The following SYNJ1 variants were observed in gnomAD, a reference collection of about 807,000 sequenced individuals.
SYNJ1 encodes the protein synaptojanin 1.
SYNJ1 carries 78 observed loss-of-function variants against 168.2 expected under a neutral mutation model. The observed-to-expected ratio is 0.46, with a 90% CI of 0.39 to 0.56. SYNJ1 has a LOEUF of 0.56. SYNJ1 is among the 20% of genes least tolerant of loss of function. The pLI, the probability that SYNJ1 is intolerant of heterozygous loss-of-function variation, is 0.00. For synonymous variants in SYNJ1, 539 were observed against 548.6 expected (o/e 0.98, Z 0.24); for missense variants, 1,303 against 1,597.6 (o/e 0.82, Z 3.14).
intron 11 of SYNJ1, 50 bp from the exon 12 acceptor site, chr21:32,678,851 TG>T: frequency 1.3e-6 from 2 of 1,577,412 alleles, no homozygotes; most frequent in South Asian, 2.4e-5. Flanking sequence ...TAAATATTAC[TG>T]ATTTTACTCA....
At chr21:32,648,486 C>A (rs953675177) in intron 23 of SYNJ1, among the ~76,000 whole-genome samples, 1 of 152,248 alleles carries the variant, frequency 6.6e-6, no homozygotes, top group Non-Finnish European at 1.5e-5. Flanking sequence ...CAAGACACCA[C>A]TGACTACTCC....
chr21:32,664,935 A>G lies in SYNJ1; in HGVS notation c.2282T>C (p.Ile761Thr), dbSNP rs373953139. The G allele has an allele frequency of 1.2e-6, 2 of 1,610,806 alleles. No homozygotes were observed. The highest frequency in any genetic ancestry group is 1.7e-4 in the Middle Eastern group (1 of 6,006). Residue 761 changes from isoleucine to threonine, a missense_variant, in exon 18 of 33, where the codon ATC becomes ACC. Transcript: ENST00000674351. ...TACCTGTCCAGCATTTTTCTGATTG[A>G]TAAGTTGATCTCCTGCTATAAGAGA... ...WDSLIAGDQLINQKNAGQVFR... is the reference protein window; with the variant it reads ...WDSLIAGDQLTNQKNAGQVFR...
intron 10 of SYNJ1, among the ~76,000 whole-genome samples, chr21:32,682,106 TAAAGAA>T (rs1236206522): frequency 6.6e-6 from 1 of 152,042 alleles, no homozygotes; most frequent in Non-Finnish European, 1.5e-5. Flanking sequence ...TGTCACAAAA[TAAAGAA>T]AATAAGTAAA....
Position 32,666,095 on chromosome 21 carries a change from C to T in SYNJ1, c.1993G>A (p.Ala665Thr). Residue 665 changes from alanine to threonine, a missense_variant, in exon 17 of 33, where the codon GCA becomes ACA. By Grantham distance (58) the Ala-to-Thr change is moderately conservative. Transcript: ENST00000674351. ...VDTVKTGMGG[A>T]TGNKGAVAIR... ...GCAACTGCTCCCTTATTTCCAGTTG[C>T]ACCTCCCATTCCAGTCTTCACAGTA... The T allele has an allele frequency of 6.2e-7, 1 of 1,613,284 alleles. No individual in the cohort carries two copies. The highest frequency in any genetic ancestry group is 8.5e-7 in the Non-Finnish European group (1 of 1,179,634).
chr21:32,673,694 T>C (rs1269418518), intron 13 of SYNJ1, among the ~76,000 whole-genome samples, 163 bp from the exon 14 acceptor site: 1 of 147,590 alleles, frequency 6.8e-6, no homozygotes, highest in Non-Finnish European at 1.5e-5. Flanking sequence ...CAGCCTTCAA[T>C]GCAAAGCCTG....
At chr21:32,717,199 T>C (rs2043054634) in intron 2 of SYNJ1, among the ~76,000 whole-genome samples, 1 of 152,220 alleles carries the variant, frequency 6.6e-6, no homozygotes, top group Non-Finnish European at 1.5e-5. Flanking sequence ...CCTCAGGTGA[T>C]CCGCCCACCT....
At position 32,687,767 on chromosome 21, in the gene SYNJ1, AAAG is replaced by A. The variant is rs760491381; in HGVS notation, c.851+536_851+538del. ...ACTTATATATGGATTTTTTTCAACC[AAAG>A]AAGAATCAAAACTACAGTATTCCTG... On this transcript the variant is annotated intron_variant, in intron 7 of 32. Coordinates refer to ENST00000674351, the MANE Select transcript of SYNJ1 (RefSeq NM_203446.3). Among the ~76,000 whole-genome samples the A allele has an allele frequency of 3.0e-4, 46 of 152,318 alleles. 1 individual carries two copies. Among genetic ancestry groups the A allele is most frequent in the Non-Finnish European group, 4.4e-4 (30 of 68,024 alleles).
At chr21:32,707,000 C>T (rs2042634351) in intron 2 of SYNJ1, among the ~76,000 whole-genome samples, 1 of 152,088 alleles carries the variant, frequency 6.6e-6, no homozygotes, top group Admixed American at 6.5e-5. Flanking sequence ...TAATAATCTC[C>T]CTTGCATCCC....
At chr21:32,700,892 T>C (rs1405862658) in intron 3 of SYNJ1, among the ~76,000 whole-genome samples, 1 of 152,196 alleles carries the variant, frequency 6.6e-6, no homozygotes, top group Non-Finnish European at 1.5e-5. Flanking sequence ...TATAAAGCAA[T>C]TTGGTTTACA....
intron 2 of SYNJ1, among the ~76,000 whole-genome samples, chr21:32,724,242 C>A (rs770169849): frequency 9.2e-5 from 14 of 152,140 alleles, no homozygotes; most frequent in Admixed American, 1.3e-4. Flanking sequence ...AATCCCAGCA[C>A]TTTGGGAGGC....
chr21:32,674,548 G>A (rs1260866682), intron 13 of SYNJ1, among the ~76,000 whole-genome samples: 1 of 151,810 alleles, frequency 6.6e-6, no homozygotes, highest in African/African-American at 2.4e-5. Flanking sequence ...AGACTACCTG[G>A]TACGCAGTAA....
chr21:32,684,166 T>G, intron 9 of SYNJ1, 47 bp from the exon 10 acceptor site: 1 of 1,559,794 alleles, frequency 6.4e-7, no homozygotes, highest in South Asian at 1.1e-5. Context: ...AAAATAAAGC[T>G]AAAACAAACA....
upstream of SYNJ1, chr21:32,728,159 G>C (rs867086991): frequency 3.4e-5 from 42 of 1,242,598 alleles, no homozygotes; most frequent in East Asian, 5.7e-5. Flanking sequence ...GGCGGCCCCA[G>C]CCTCAGTCTC....
Position 32,700,070 on chromosome 21 carries a change from C to T in SYNJ1, c.247G>A (p.Gly83Arg), listed in dbSNP as rs1179725205. ...TGAATTTTTCCAACAGACATACATC[C>T]AGTGACTAGGACCAGATAATGTAAC... ...TMLHYLVLVT[G>R]CMSVGKIQES... The change falls in exon 4 of 33, where the codon GGA becomes AGA. Residue 83 changes from glycine to arginine, a missense_variant. By Grantham distance (125) the Gly-to-Arg change is moderately radical (BLOSUM62 -2). Around this residue, in one of 2 missense-constraint regions of SYNJ1, gnomAD observed 920 missense variants for 1,208.8 expected, o/e 0.76. Coordinates refer to ENST00000674351, the MANE Select transcript of SYNJ1 (RefSeq NM_203446.3). 2 of 1,613,954 alleles carry T rather than the reference C, an allele frequency of 1.2e-6. No individual in the cohort carries two copies. Among genetic ancestry groups the T allele is most frequent in the Admixed American group, 1.7e-5 (1 of 60,004 alleles).
At chr21:32,659,864 G>A (rs931560882) in intron 18 of SYNJ1, among the ~76,000 whole-genome samples, 2 of 152,176 alleles carry the variant, frequency 1.3e-5, no homozygotes, top group African/African-American at 4.8e-5. Flanking sequence ...GGTGATTAAC[G>A]GATGGTCAAG....
intron 1 of SYNJ1, 82 bp from the exon 2 acceptor site, chr21:32,726,999 C>T: frequency 6.6e-7 from 1 of 1,523,130 alleles, no homozygotes; most frequent in Non-Finnish European, 8.8e-7. Flanking sequence ...AAAAGTCCCT[C>T]CCCGCCAGGT....
chr21:32,711,678 T>C (rs2042836011), intron 2 of SYNJ1, among the ~76,000 whole-genome samples: 1 of 152,228 alleles, frequency 6.6e-6, no homozygotes, highest in Non-Finnish European at 1.5e-5. Context: ...TATTCAGCAT[T>C]GTTGTATTAC....
rs761767275 is a variant in SYNJ1 at position 32,727,903 on chromosome 21, G to A, written c.-23+43C>T. 30 of 1,530,510 alleles carry A rather than the reference G, an allele frequency of 2.0e-5. No individual in the cohort carries two copies. The East Asian group carries it at 4.2e-4, about 21-fold the overall frequency. The allele number at this position is 1,530,510 out of a possible 1,614,324, so 94.8% of individuals were successfully genotyped here. ...GCGTCCGCCCGCCCGGCTGCCCGTG[G>A]GTCTGGCCGCAGCAGCTCCCCGCCC... On this transcript the variant is annotated intron_variant, in intron 1 of 32. Transcript: ENST00000674351.
chr21:32,728,195 C>T (rs1044530494), upstream of SYNJ1: 77 of 877,826 alleles, frequency 8.8e-5, no homozygotes, highest in Non-Finnish European at 1.2e-4. Context: ...CCTGCGGCCG[C>T]CCCCAGGCAG....
Sources: allele counts gnomAD v4.1 joint callset (sites outside exome capture counted in the v4.1 genomes callset), GRCh38; gene constraint gnomAD v4.1.1; regional missense constraint gnomAD v4.1.1; transcripts MANE v1.5; gene names NCBI Gene and HGNC (gene_info 2026-07-23, HGNC 2026-07-21).